CBR4: variants seen among roughly 807,000 people sequenced by gnomAD.
The protein encoded by CBR4 is carbonyl reductase 4.
CBR4 carries 22 observed loss-of-function variants against 21.0 expected under a neutral mutation model. That is an observed-to-expected ratio of 1.05 (90% CI 0.75 to 1.50). CBR4 has a LOEUF of 1.50. Ranked by LOEUF, CBR4 falls within the 40% of genes most tolerant of loss-of-function variation. CBR4 has a pLI of 0.00. For missense variants in CBR4, 302 were observed against 286.3 expected (o/e 1.05, Z -0.40); for synonymous variants, 100 against 104.4 (o/e 0.96, Z 0.26).
chr4:168,971,291 C>A (rs1419326225), intron 2 of CBR4, among the ~76,000 whole-genome samples: 1 of 151,938 alleles, frequency 6.6e-6, no homozygotes, highest in Non-Finnish European at 1.5e-5. Context: ...TTTTTTGAGA[C>A]AGGGTCTCAC....
intron 4 of CBR4, among the ~76,000 whole-genome samples, chr4:169,000,397 G>C (rs1282795258): frequency 6.6e-6 from 1 of 150,600 alleles, no homozygotes; most frequent in Non-Finnish European, 1.5e-5. Context: ...AAAAAGAAAA[G>C]AAAAGAATTG....
In CBR4 at chr4:168,991,032, C is replaced by T. The variant is rs139784365; in HGVS notation, c.536-704G>A. 5.9e-3 allele frequency among the ~76,000 whole-genome samples: 894 copies of T among 151,992 alleles called. 2 individuals carry two copies. Among genetic ancestry groups the T allele is most frequent in the African/African-American group, 0.016 (670 of 41,472 alleles). On this transcript the variant is annotated intron_variant, in intron 4 of 4. Transcript: ENST00000306193. The stretch of plus-strand genomic sequence containing the variant: ...TTGTGTCACTGCACTCCAGCCTCAG[C>T]GACAAGAGTGAAACTCCATCTCAAA...
chr4:168,938,820 A>G (rs1013571632), intron 2 of CBR4, among the ~76,000 whole-genome samples: 1 of 152,246 alleles, frequency 6.6e-6, no homozygotes, highest in African/African-American at 2.4e-5. Flanking sequence ...TAACAACCAA[A>G]AAAAGTCCAG....
intron 4 of CBR4, among the ~76,000 whole-genome samples, chr4:168,992,160 T>C (rs1210529430): frequency 2.6e-5 from 4 of 152,232 alleles, no homozygotes; most frequent in African/African-American, 9.6e-5. Flanking sequence ...AGCTTATGAA[T>C]GACACTTTCA....
chr4:168,950,800 G>A, intron 2 of CBR4, among the ~76,000 whole-genome samples: 1 of 152,122 alleles, frequency 6.6e-6, no homozygotes, highest in Non-Finnish European at 1.5e-5. Flanking sequence ...TTAGGACTGT[G>A]ATCTTTTCCT....
At chr4:168,939,013 G>A (rs7687968) in intron 2 of CBR4, among the ~76,000 whole-genome samples, 105,954 of 152,052 alleles carry the variant, frequency 0.7, 38,327 homozygotes, top group East Asian at 0.96. Context: ...ATTTCAGGCC[G>A]ATATCCCTGA....
At chr4:168,955,345 T>G (rs577203125) in intron 2 of CBR4, among the ~76,000 whole-genome samples, 3 of 152,144 alleles carry the variant, frequency 2.0e-5, no homozygotes, top group African/African-American at 4.8e-5. Context: ...CTTTGAGAAA[T>G]AGGAAATGAC....
intron 2 of CBR4, among the ~76,000 whole-genome samples, chr4:168,906,637 CATTT>C (rs750667734): frequency 5.9e-5 from 9 of 152,072 alleles, no homozygotes; most frequent in Non-Finnish European, 5.9e-5. Context: ...TTTGTTTATT[CATTT>C]AGAGACAAGG....
At chr4:168,967,835 T>G (rs763123202) in intron 2 of CBR4, among the ~76,000 whole-genome samples, 8 of 152,150 alleles carry the variant, frequency 5.3e-5, no homozygotes, top group Non-Finnish European at 1.2e-4. Flanking sequence ...AATAGACACA[T>G]TTCAAACTAC....
chr4:169,009,459 C>A (rs1225835322), intron 1 of CBR4, among the ~76,000 whole-genome samples: 2 of 152,258 alleles, frequency 1.3e-5, no homozygotes, highest in East Asian at 3.8e-4. Context: ...TGCATTCGCG[C>A]AGGGCCAAGG....
At chr4:168,994,047 T>C (rs543589503) in intron 4 of CBR4, among the ~76,000 whole-genome samples, 3 of 152,178 alleles carry the variant, frequency 2.0e-5, no homozygotes, top group East Asian at 1.9e-4. Flanking sequence ...CACAGAAATA[T>C]AGTGTGGAGT....
chr4:168,920,798 CG>C (rs1761321540), intron 2 of CBR4, among the ~76,000 whole-genome samples: 1 of 152,122 alleles, frequency 6.6e-6, no homozygotes, highest in African/African-American at 2.4e-5. Context: ...TGTGTGCTGA[CG>C]AATGCATTCT....
chr4:168,903,560 T>C (rs751621983), intron 2 of CBR4, among the ~76,000 whole-genome samples: 8 of 152,182 alleles, frequency 5.3e-5, no homozygotes, highest in Non-Finnish European at 1.0e-4. Context: ...ATATATAATT[T>C]AAAAACTCAA....
intron 4 of CBR4, among the ~76,000 whole-genome samples, chr4:168,992,590 T>A (rs1397415166): frequency 6.6e-6 from 1 of 152,308 alleles, no homozygotes; most frequent in African/African-American, 2.4e-5. Context: ...GTATAAAATG[T>A]AGGTTACAAA....
intron 2 of CBR4, among the ~76,000 whole-genome samples, chr4:168,968,828 G>C (rs979524324): frequency 1.3e-5 from 2 of 152,164 alleles, no homozygotes; most frequent in African/African-American, 4.8e-5. Context: ...GAAAGAGAAG[G>C]GTCAGTGGTT....
intron 1 of CBR4, among the ~76,000 whole-genome samples, chr4:169,008,668 C>T (rs1731127529): frequency 1.3e-5 from 2 of 152,146 alleles, no homozygotes; most frequent in Non-Finnish European, 2.9e-5. Context: ...GGTTTTCACC[C>T]GAAGACTTGT....
rs568883850 is a variant in CBR4 at position 169,004,085 on chromosome 4, A to T, written c.401-1880T>A. Among the ~76,000 whole-genome samples the T allele has an allele frequency of 4.6e-5, 7 of 152,270 alleles. No homozygotes were observed. The East Asian group carries it at 1.4e-3, about 29-fold the overall frequency. On this transcript the variant is annotated intron_variant, in intron 3 of 4. Transcript: ENST00000306193. ...CATTGTGCACGGTACCCTAAAACTT[A>T]AAGTATAACAATAATAAAATAAAAA...
chr4:168,942,776 A>T (rs1737415075), intron 2 of CBR4, among the ~76,000 whole-genome samples: 1 of 152,182 alleles, frequency 6.6e-6, no homozygotes, highest in Non-Finnish European at 1.5e-5. Flanking sequence ...ACATTTCAAC[A>T]GCAAAAATAT....
intron 2 of CBR4, among the ~76,000 whole-genome samples, chr4:168,975,709 G>T (rs940337011): frequency 2.0e-5 from 3 of 152,184 alleles, no homozygotes; most frequent in South Asian, 2.1e-4. Flanking sequence ...ACCATCAGGT[G>T]GGGGCAGGGT....
Sources: allele counts gnomAD v4.1 joint callset (sites outside exome capture counted in the v4.1 genomes callset), GRCh38; gene constraint gnomAD v4.1.1; transcripts MANE v1.5; gene names NCBI Gene and HGNC (gene_info 2026-07-23, HGNC 2026-07-21).